UNC5C: variants seen among roughly 807,000 people sequenced by gnomAD.
UNC5C encodes netrin receptor UNC5C.
Under a neutral mutation model 99.8 loss-of-function variants are expected in UNC5C, and 47 were observed. That is an observed-to-expected ratio of 0.47 (90% confidence interval 0.37 to 0.60). UNC5C has a LOEUF of 0.60. Among genes scored for constraint, UNC5C ranks in the 20% least tolerant of loss-of-function variants. The pLI is 0.00. For missense variants in UNC5C, 1,062 were observed against 1,165.9 expected (o/e 0.91, Z 1.30); for synonymous variants, 487 against 452.2 (o/e 1.08, Z -0.98).
chr4:95,520,289 A>G (rs2149489976), intron 1 of UNC5C, among the ~76,000 whole-genome samples: 1 of 152,320 alleles, frequency 6.6e-6, no homozygotes, highest in South Asian at 2.1e-4. Context: ...AAAGATAAGG[A>G]TTATCTACCG....
At position 95,536,061 on chromosome 4, in the gene UNC5C, C is replaced by CATATAT. The variant is rs58901868; in HGVS notation, c.124+12667_124+12672dup. Reference sequence around the variant, plus strand: ...TGTTGGCAGTCCATATACATACATACATATATATATATATATATATATTTT... The same window carrying CATATAT: ...TGTTGGCAGTCCATATACATACATACATATATATATATATATATATATATATATTTT... On this transcript the variant is annotated intron_variant, in intron 1 of 15. Transcript: ENST00000453304. 2.4e-3 allele frequency among the ~76,000 whole-genome samples: 337 copies of CATATAT among 140,782 alleles called. 1 individual carries two copies. Among genetic ancestry groups the CATATAT allele is most frequent in the African/African-American group, 7.4e-3 (281 of 38,136 alleles). 92.4% of individuals were successfully genotyped at this position (140,782 alleles called of 152,430 possible). A position where few individuals can be genotyped will look rare whatever the true frequency, so the allele number is the denominator to read the frequency against.
intron 3 of UNC5C, among the ~76,000 whole-genome samples, chr4:95,300,997 C>T (rs1462715393): frequency 1.3e-5 from 2 of 152,000 alleles, no homozygotes; most frequent in African/African-American, 4.8e-5. Context: ...GGGTGGATAC[C>T]TCATTCCCCA....
intron 4 of UNC5C, among the ~76,000 whole-genome samples, chr4:95,258,944 G>A (rs913020095): frequency 9.3e-5 from 14 of 149,922 alleles, no homozygotes; most frequent in Non-Finnish European, 1.8e-4. Flanking sequence ...TGTATTTTTA[G>A]TAGAGACGGG....
intron 1 of UNC5C, among the ~76,000 whole-genome samples, chr4:95,411,309 A>G (rs1481786358): frequency 6.6e-6 from 1 of 152,154 alleles, no homozygotes; most frequent in Non-Finnish European, 1.5e-5. Flanking sequence ...TCAGATGTCC[A>G]CAAAGGATCC....
chr4:95,526,738 A>G (rs1722506758), intron 1 of UNC5C, among the ~76,000 whole-genome samples: 1 of 152,038 alleles, frequency 6.6e-6, no homozygotes, highest in South Asian at 2.1e-4. Flanking sequence ...TGGTCTTCTC[A>G]TTTCCCAAAT....
intron 3 of UNC5C, among the ~76,000 whole-genome samples, chr4:95,294,020 C>T (rs1741582869): frequency 6.6e-6 from 1 of 152,104 alleles, no homozygotes; most frequent in Admixed American, 6.5e-5. Flanking sequence ...TGTAAGGGTA[C>T]ACACACTAGC....
chr4:95,402,023 C>T (rs1745716031), intron 1 of UNC5C, among the ~76,000 whole-genome samples: 1 of 152,142 alleles, frequency 6.6e-6, no homozygotes, highest in Non-Finnish European at 1.5e-5. Flanking sequence ...CTTCTCCTGT[C>T]TTCATGCAAT....
chr4:95,516,385 C>T (rs1722220625), intron 1 of UNC5C, among the ~76,000 whole-genome samples: 1 of 152,104 alleles, frequency 6.6e-6, no homozygotes, highest in Non-Finnish European at 1.5e-5. Flanking sequence ...GGAATATCCT[C>T]CATTTCTTCA....
At chr4:95,417,049 A>T (rs1215816285) in intron 1 of UNC5C, among the ~76,000 whole-genome samples, 1 of 152,222 alleles carries the variant, frequency 6.6e-6, no homozygotes, top group Non-Finnish European at 1.5e-5. Context: ...GGGCCAAGGA[A>T]CATGCCCAAG....
chr4:95,195,120 C>T (rs551813363), intron 12 of UNC5C, among the ~76,000 whole-genome samples: 5 of 152,170 alleles, frequency 3.3e-5, no homozygotes, highest in African/African-American at 7.2e-5. Flanking sequence ...TGCCCACATA[C>T]GCATGGCAAA....
chr4:95,279,245 T>C (rs1334106289), intron 3 of UNC5C, among the ~76,000 whole-genome samples: 1 of 152,172 alleles, frequency 6.6e-6, no homozygotes, highest in East Asian at 1.9e-4. Flanking sequence ...TCCCAAGATA[T>C]CACTACATTT....
intron 2 of UNC5C, among the ~76,000 whole-genome samples, chr4:95,330,526 A>G (rs923621241): frequency 1.3e-5 from 2 of 152,026 alleles, no homozygotes; most frequent in Non-Finnish European, 2.9e-5. Flanking sequence ...CTTTTACTGC[A>G]TTTTAATTTG....
chr4:95,247,701 TCTAAATA>T (rs1216793364), intron 5 of UNC5C, among the ~76,000 whole-genome samples: 2 of 152,196 alleles, frequency 1.3e-5, no homozygotes, highest in Admixed American at 1.3e-4. Context: ...TTTCCTTAAT[TCTAAATA>T]CTAAGTTACT....
chr4:95,195,144 C>G (rs1245803210), intron 12 of UNC5C, among the ~76,000 whole-genome samples: 5 of 152,158 alleles, frequency 3.3e-5, no homozygotes, highest in Non-Finnish European at 7.3e-5. Flanking sequence ...TGTCTGGTGT[C>G]TATTTTGTGC....
intron 4 of UNC5C, among the ~76,000 whole-genome samples, chr4:95,273,189 G>A (rs975511808): frequency 1.3e-5 from 2 of 152,186 alleles, no homozygotes; most frequent in African/African-American, 4.8e-5. Context: ...GCACAACTGG[G>A]TCAATAAGTT....
intron 3 of UNC5C, among the ~76,000 whole-genome samples, chr4:95,281,616 T>A (rs902204616): frequency 2.6e-5 from 4 of 152,142 alleles, no homozygotes; most frequent in African/African-American, 9.7e-5. Flanking sequence ...TTGAAGAAGA[T>A]GTAGGTATTT....
At chr4:95,314,220 C>T (rs748041146) in intron 2 of UNC5C, among the ~76,000 whole-genome samples, 4 of 152,074 alleles carry the variant, frequency 2.6e-5, no homozygotes, top group African/African-American at 4.8e-5. Flanking sequence ...TCAGTGGACT[C>T]GGGCAAGTCA....
At chr4:95,396,228 G>A (rs1745505195) in intron 1 of UNC5C, among the ~76,000 whole-genome samples, 1 of 152,126 alleles carries the variant, frequency 6.6e-6, no homozygotes, top group African/African-American at 2.4e-5. Context: ...CATGAATTCA[G>A]GATATGTTGC....
chr4:95,308,795 A>C (rs1301280471), intron 2 of UNC5C, among the ~76,000 whole-genome samples: 1 of 149,984 alleles, frequency 6.7e-6, no homozygotes, highest in Non-Finnish European at 1.5e-5. Flanking sequence ...AACAAGAAAA[A>C]CATGAATGGA....
Sources: gnomAD v4.1 joint callset for allele counts (sites outside exome capture counted in the v4.1 genomes callset) on GRCh38, gnomAD v4.1.1 for gene constraint, MANE v1.5 for transcripts, NCBI Gene and HGNC (gene_info 2026-07-23, HGNC 2026-07-21) for gene names.